Variants in PNPLA7 observed in about 807,000 individuals in gnomAD.
PNPLA7 encodes the protein patatin-like phospholipase domain-containing protein 7.
PNPLA7 carries 153 observed loss-of-function variants against 161.7 expected under a neutral mutation model. That is an observed-to-expected ratio of 0.95 (90% CI 0.83 to 1.08). The LOEUF (loss-of-function observed/expected upper bound fraction) is 1.08. Among genes scored for constraint, PNPLA7 ranks in the 50% least tolerant of loss-of-function variants. PNPLA7 has a pLI of 0.00. For missense variants in PNPLA7, 1,739 were observed against 1,856.6 expected (o/e 0.94, Z 1.16); for synonymous variants, 809 against 782.1 (o/e 1.03, Z -0.57).
chr9:137,541,006 G>A lies in PNPLA7; in HGVS notation c.667-284C>T, dbSNP rs1413767820. Among the ~76,000 whole-genome samples, 1 of 152,174 alleles carries A rather than the reference G, an allele frequency of 6.6e-6. No individual in the cohort carries two copies. The highest frequency in any genetic ancestry group is 1.5e-5 in the Non-Finnish European group (1 of 68,032). On this transcript the variant is annotated intron_variant, in intron 7 of 34. Coordinates refer to ENST00000406427, the MANE Select transcript of PNPLA7 (RefSeq NM_001098537.3). This position sits in a 1 kb window ranked among gnomAD's most constrained non-coding sequence, Gnocchi z 4.4. ...GGGGACTGAGGCAAAAGCTCGCAGA[G>A]CCTGTTTGTTTGCTGAGCTAACTAT...
intron 12 of PNPLA7, chr9:137,508,773 A>G (rs182697617): frequency 6.6e-6 from 1 of 152,330 alleles, no homozygotes; most frequent in Non-Finnish European, 1.5e-5. Flanking sequence ...AAAATTTCCT[A>G]TTCATCAAAA....
intron 19 of PNPLA7, 109 bp from the exon 20 acceptor site, chr9:137,493,191 C>T (rs1194488133): frequency 3.4e-6 from 4 of 1,177,306 alleles, no homozygotes; most frequent in Non-Finnish European, 5.0e-6. Context: ...GGCGCTGGAT[C>T]TGCTTTTCAA....
At position 137,543,343 on chromosome 9, in the gene PNPLA7, A is replaced by G; in HGVS notation, c.506+89T>C. ...GCGCTTTGCCAACCATTCCCCCAAC[A>G]CAAGACGGCCAAGCTGGAGCCAGGC... On this transcript the variant is annotated intron_variant, in intron 6 of 34. Coordinates refer to ENST00000406427, the MANE Select transcript of PNPLA7 (RefSeq NM_001098537.3). The surrounding 1 kb of genome is among the most constrained non-coding windows in gnomAD (Gnocchi z 6.9). 6.4e-7 allele frequency: 1 copy of G among 1,551,230 alleles called. No individual in the cohort carries two copies. Among genetic ancestry groups the G allele is most frequent in the South Asian group, 1.1e-5 (1 of 87,864 alleles).
intron 15 of PNPLA7, 23 bp downstream of exon 15, chr9:137,501,627 C>G (rs1303983673): frequency 6.1e-6 from 9 of 1,481,408 alleles, no homozygotes; most frequent in Middle Eastern, 1.8e-4. Flanking sequence ...GGTCCCAGTG[C>G]CCCCCCCCAG....
rs1047093367 is a variant in PNPLA7, at chr9:137,499,538, G to T, written c.1757+1153C>A. Among the ~76,000 whole-genome samples the T allele has an allele frequency of 3.3e-5, 5 of 152,208 alleles. No individual in the cohort carries two copies. The highest frequency in any genetic ancestry group is 6.5e-5 in the Admixed American group (1 of 15,292). ...CAGCTCCACCCAGGGTCCCCTGCTG[G>T]TGGAGGGACCGGGACTTGGAGCCTC... On this transcript the variant is annotated intron_variant, in intron 16 of 34. Transcript: ENST00000406427. The surrounding 1 kb of genome is among the most constrained non-coding windows in gnomAD (Gnocchi z 5.5).
chr9:137,545,877 G>A (rs575555378), intron 4 of PNPLA7, among the ~76,000 whole-genome samples: 90 of 152,264 alleles, frequency 5.9e-4, no homozygotes, highest in East Asian at 3.9e-3. Flanking sequence ...GTGATCTAGC[G>A]GTAGCGTCAG....
At chr9:137,466,806 G>A (rs887673807) in intron 26 of PNPLA7, among the ~76,000 whole-genome samples, 2 of 138,214 alleles carry the variant, frequency 1.4e-5, no homozygotes, top group Non-Finnish European at 3.1e-5. Context: ...CTCAGACCCG[G>A]GCACGGATCA....
At chr9:137,507,528 G>A (rs1034709493) in intron 12 of PNPLA7, among the ~76,000 whole-genome samples, 1 of 152,156 alleles carries the variant, frequency 6.6e-6, no homozygotes, top group African/African-American at 2.4e-5. Flanking sequence ...AATTAGCCGG[G>A]CGTGGTGGCA....
At chr9:137,544,490 CCT>C (rs1299621353) in intron 4 of PNPLA7, among the ~76,000 whole-genome samples, 2 of 152,220 alleles carry the variant, frequency 1.3e-5, no homozygotes, top group African/African-American at 4.8e-5. Flanking sequence ...CACCCTACGC[CCT>C]GTCCCGGCCG....
intron 8 of PNPLA7, among the ~76,000 whole-genome samples, chr9:137,536,535 C>A (rs189924720): frequency 1.3e-5 from 2 of 152,252 alleles, no homozygotes; most frequent in Non-Finnish European, 2.9e-5. Context: ...GCCGCTGGTT[C>A]AGGTCGTGAA....
At chr9:137,512,901 C>T (rs937027611) in intron 12 of PNPLA7, among the ~76,000 whole-genome samples, 3 of 150,994 alleles carry the variant, frequency 2.0e-5, no homozygotes, top group Admixed American at 6.6e-5. Context: ...GGGTTGAGGC[C>T]GCAGTGTGCC....
intron 12 of PNPLA7, chr9:137,509,756 G>C (rs1185252187): frequency 2.2e-6 from 1 of 455,546 alleles, no homozygotes; most frequent in South Asian, 1.5e-5. Flanking sequence ...AGGAGTAGAC[G>C]CTGGTGTCTG....
rs541307818 is a variant in PNPLA7, at chr9:137,545,036, G to A, written c.274-1221C>T. ...TTGCTTTAAAGGGATCAGTCTGTGC[G>A]GTTTCTGTGAAGCTTCTGGGTGGTC... is the stretch of plus-strand genomic sequence containing the variant. On this transcript the variant is annotated intron_variant, in intron 4 of 34. Coordinates refer to ENST00000406427, the MANE Select transcript of PNPLA7 (RefSeq NM_001098537.3). 3.0e-4 allele frequency among the ~76,000 whole-genome samples: 46 copies of A among 152,252 alleles called. No homozygotes were observed. The South Asian group carries it at 3.5e-3, about 12-fold the overall frequency.
At chr9:137,485,387 G>A (rs544162639) in intron 20 of PNPLA7, among the ~76,000 whole-genome samples, 14 of 151,158 alleles carry the variant, frequency 9.3e-5, no homozygotes, top group African/African-American at 3.2e-4. Context: ...CCTCATCGGA[G>A]TAAACCAGAC....
At chr9:137,548,664 C>T (rs918750637) in intron 1 of PNPLA7, among the ~76,000 whole-genome samples, 5 of 152,134 alleles carry the variant, frequency 3.3e-5, no homozygotes, top group Non-Finnish European at 7.4e-5. Flanking sequence ...AGGAGAATGG[C>T]GTGAACCCGG....
intron 1 of PNPLA7, among the ~76,000 whole-genome samples, chr9:137,549,431 G>T (rs565542753): frequency 2.0e-5 from 3 of 151,904 alleles, no homozygotes; most frequent in Non-Finnish European, 4.4e-5. Context: ...TTAGCCGGGC[G>T]TGGTGGTGGG....
At chr9:137,480,546 G>A (rs1351347051) in intron 22 of PNPLA7, 66 bp from the exon 23 acceptor site, 24 of 1,512,744 alleles carry the variant, frequency 1.6e-5, no homozygotes, top group South Asian at 3.9e-5. Context: ...ACATGTCCCC[G>A]GGGCAAAGAG....
At chr9:137,491,751 TGCTGTGCACACGTCACTGTGTGAACAC>T (rs1287638361) in intron 20 of PNPLA7, 1 of 985,354 alleles carries the variant, frequency 1.0e-6, no homozygotes, top group African/African-American at 1.7e-5. Flanking sequence ...AGACGTTCAA[TGCTGTGCACACGTCACTGTGTGAACAC>T]AGACGCAGGC....
intron 19 of PNPLA7, 60 bp downstream of exon 19, chr9:137,494,973 C>T (rs1588597546): frequency 7.5e-6 from 11 of 1,458,186 alleles, no homozygotes; most frequent in Non-Finnish European, 1.0e-5. Flanking sequence ...TCACCTGTTC[C>T]ATGCCCTCAT....
Sources: gnomAD v4.1 joint callset for allele counts (sites outside exome capture counted in the v4.1 genomes callset) on GRCh38, gnomAD v4.1.1 for gene constraint, Gnocchi (gnomAD v3.1) non-coding constraint, MANE v1.5 for transcripts, NCBI Gene and HGNC (gene_info 2026-07-23, HGNC 2026-07-21) for gene names.